Variants in SIM1 observed in about 807,000 individuals in gnomAD.
SIM1 encodes SIM bHLH transcription factor 1.
SIM1 carries 18 observed loss-of-function variants against 78.2 expected under a neutral mutation model. The observed-to-expected ratio is 0.23, with a 90% CI of 0.16 to 0.34. SIM1 has a LOEUF of 0.34. Among genes scored for constraint, SIM1 ranks in the 10% least tolerant of loss-of-function variants. The pLI, the probability that SIM1 is intolerant of heterozygous loss-of-function variation, is 1.00. For missense variants in SIM1, 939 were observed against 975.1 expected, an observed-to-expected ratio of 0.96 and a Z score of 0.49; for synonymous variants, 417 against 385.2, an observed-to-expected ratio of 1.08 and a Z score of -0.97.
intron 2 of SIM1, among the ~76,000 whole-genome samples, chr6:100,461,747 T>G (rs1400005432): frequency 6.6e-6 from 1 of 152,182 alleles, no homozygotes; most frequent in African/African-American, 2.4e-5. Flanking sequence ...ATGGTAATTA[T>G]CCCATCAACA....
chr6:100,447,597 G>T (rs999844573), intron 8 of SIM1, among the ~76,000 whole-genome samples, 182 bp from the exon 9 acceptor site: 1 of 152,192 alleles, frequency 6.6e-6, no homozygotes, highest in South Asian at 2.1e-4. Context: ...GTATTGCATC[G>T]AGCCCTCCGG....
In SIM1 at chr6:100,387,031, T is replaced by C. The variant is rs907184635; in HGVS notation, c.*3330A>G. 6.6e-6 allele frequency: 1 copy of C among 152,054 alleles called. No individual in the cohort carries two copies. 9.4% of individuals were successfully genotyped at this position (152,054 alleles called of 1,614,324 possible). A position where few individuals can be genotyped will look rare whatever the true frequency, so the allele number is the denominator to read the frequency against. On this transcript the variant is annotated 3_prime_UTR_variant, in exon 12 of 12. Transcript: ENST00000369208. ...CCCAAGAAAGATTGGGGAAACTTCA[T>C]TCACTTCTTTGGTCATCCAAATTTT...
intron 11 of SIM1, among the ~76,000 whole-genome samples, chr6:100,391,758 T>C (rs1284587213): frequency 6.6e-6 from 1 of 152,212 alleles, no homozygotes; most frequent in Non-Finnish European, 1.5e-5. Flanking sequence ...CTGAAGATTA[T>C]AGATATAGAT....
At chr6:100,423,853 C>A (rs577816590) in intron 9 of SIM1, among the ~76,000 whole-genome samples, 1 of 152,302 alleles carries the variant, frequency 6.6e-6, no homozygotes, top group East Asian at 1.9e-4. Flanking sequence ...GTGTCAAATG[C>A]ACTTCCGTTC....
chr6:100,427,046 A>C (rs943461187), intron 9 of SIM1: 1 of 152,252 alleles, frequency 6.6e-6, no homozygotes, highest in African/African-American at 2.4e-5. Flanking sequence ...ACTGCGCCTT[A>C]CAGTAAACTT....
chr6:100,449,781 A>C, intron 4 of SIM1, 82 bp from the exon 5 acceptor site: 1 of 1,101,786 alleles, frequency 9.1e-7, no homozygotes, highest in Non-Finnish European at 1.4e-6. Flanking sequence ...GGGGATCTGC[A>C]GGACCATGAG....
At chr6:100,438,424 C>A (rs1274696299) in intron 9 of SIM1, among the ~76,000 whole-genome samples, 2 of 152,150 alleles carry the variant, frequency 1.3e-5, no homozygotes, top group Non-Finnish European at 2.9e-5. Context: ...CCACCTTACA[C>A]CTGCAAGGAT....
At chr6:100,410,048 A>G (rs1233358596) in intron 10 of SIM1, among the ~76,000 whole-genome samples, 1 of 152,176 alleles carries the variant, frequency 6.6e-6, no homozygotes, top group Non-Finnish European at 1.5e-5. Flanking sequence ...ATGCACTATA[A>G]TACGCCAAGA....
chr6:100,421,501 A>G (rs1279286245), intron 9 of SIM1, among the ~76,000 whole-genome samples: 1 of 152,182 alleles, frequency 6.6e-6, no homozygotes, highest in Non-Finnish European at 1.5e-5. Flanking sequence ...CGTTTATTCA[A>G]TAAATATTTA....
intron 3 of SIM1, among the ~76,000 whole-genome samples, chr6:100,452,053 T>G (rs980572491): frequency 6.6e-6 from 1 of 152,058 alleles, no homozygotes; most frequent in Admixed American, 6.6e-5. Flanking sequence ...CTAGGGGACA[T>G]TACAGCATTT....
chr6:100,412,308 G>A (rs983745467), intron 10 of SIM1, among the ~76,000 whole-genome samples: 4 of 151,894 alleles, frequency 2.6e-5, no homozygotes, highest in Non-Finnish European at 5.9e-5. Flanking sequence ...AGGCCGAAGC[G>A]GGTGGATCAC....
Position 100,463,567 on chromosome 6 carries a change from T to C in SIM1, c.-99A>G, listed in dbSNP as rs879100751. The C allele has an allele frequency of 2.7e-6, 3 of 1,122,042 alleles. No homozygotes were observed. The highest frequency in any genetic ancestry group is 3.9e-6 in the Non-Finnish European group (3 of 774,888). The allele number at this position is 1,122,042 out of a possible 1,614,324, so 69.5% of individuals were successfully genotyped here. ...TTAGAGATCATATTTGGCAAAAACA[T>C]AAAACATACTTTGAATAAAGAGGCT... On this transcript the variant is annotated 5_prime_UTR_variant, in exon 2 of 12. It removes an upstream start codon present in the reference 5' UTR. Coordinates refer to ENST00000369208, the MANE Select transcript of SIM1 (RefSeq NM_005068.3).
intron 10 of SIM1, among the ~76,000 whole-genome samples, chr6:100,418,238 G>A (rs1771457486): frequency 6.6e-6 from 1 of 151,914 alleles, no homozygotes; most frequent in South Asian, 2.1e-4. Flanking sequence ...TGTAGTGCCA[G>A]CTACTTAGAA....
chr6:100,407,113 A>G (rs1303985518), intron 10 of SIM1, among the ~76,000 whole-genome samples: 2 of 152,046 alleles, frequency 1.3e-5, no homozygotes, highest in African/African-American at 2.4e-5. Flanking sequence ...ATGATTATCC[A>G]TTTTTTTGCA....
At chr6:100,408,165 T>C (rs1182848618) in intron 10 of SIM1, among the ~76,000 whole-genome samples, 1 of 152,070 alleles carries the variant, frequency 6.6e-6, no homozygotes, top group Non-Finnish European at 1.5e-5. Context: ...TCTTTGTATG[T>C]AGATATCTGG....
chr6:100,458,049 T>A (rs1335688099), intron 2 of SIM1, among the ~76,000 whole-genome samples: 1 of 133,412 alleles, frequency 7.5e-6, no homozygotes. Flanking sequence ...TCTCTCTCTC[T>A]CTCTCTCTCT....
At chr6:100,461,395 C>A (rs1225678737) in intron 2 of SIM1, among the ~76,000 whole-genome samples, 1 of 152,142 alleles carries the variant, frequency 6.6e-6, no homozygotes, top group Non-Finnish European at 1.5e-5. Context: ...CTTCCCTGGC[C>A]GGCCGACTCC....
chr6:100,447,743 G>A (rs922777493), intron 8 of SIM1, among the ~76,000 whole-genome samples: 4 of 152,192 alleles, frequency 2.6e-5, no homozygotes, highest in South Asian at 2.1e-4. Context: ...GCTGAGCTCC[G>A]GCGCTCACGA....
At chr6:100,453,636 T>G in intron 3 of SIM1, 126 bp downstream of exon 3, 2 of 732,916 alleles carry the variant, frequency 2.7e-6, no homozygotes, top group Non-Finnish European at 4.4e-6. Flanking sequence ...TCCGGATCCC[T>G]GTTTTTGTGG....
Sources: gnomAD v4.1 joint callset for allele counts (sites outside exome capture counted in the v4.1 genomes callset) on GRCh38, gnomAD v4.1.1 for gene constraint, MANE v1.5 for transcripts, NCBI Gene and HGNC (gene_info 2026-07-23, HGNC 2026-07-21) for gene names.